Variants in CNTNAP2 observed in about 807,000 individuals in gnomAD.
The protein encoded by CNTNAP2 is contactin-associated protein-like 2.
A neutral mutation model predicts 155.2 loss-of-function variants in CNTNAP2; 98 were observed. The observed-to-expected ratio is 0.63, with a 90% CI of 0.54 to 0.75. CNTNAP2 has a LOEUF of 0.75. CNTNAP2 is among the 30% of genes least tolerant of loss of function. The pLI, the probability that CNTNAP2 is intolerant of heterozygous loss-of-function variation, is 0.00. For synonymous variants in CNTNAP2, 651 were observed against 631.2 expected (o/e 1.03, Z -0.47); for missense variants, 1,727 against 1,688.1 (o/e 1.02, Z -0.40).
At chr7:147,625,733 GA>G (rs1212081285) in intron 12 of CNTNAP2, among the ~76,000 whole-genome samples, 3 of 152,244 alleles carry the variant, frequency 2.0e-5, no homozygotes, top group Admixed American at 2.0e-4. Flanking sequence ...ACCAACAAAG[GA>G]ACATACCAGG....
At chr7:147,536,893 C>G (rs2116735752) in intron 11 of CNTNAP2, among the ~76,000 whole-genome samples, 1 of 152,320 alleles carries the variant, frequency 6.6e-6, no homozygotes, top group East Asian at 1.9e-4. Context: ...AGCCTCCCCT[C>G]TCACCACGCC....
intron 3 of CNTNAP2, among the ~76,000 whole-genome samples, chr7:146,920,551 TAAAAAG>T (rs552847912): frequency 5.4e-4 from 82 of 152,248 alleles, no homozygotes; most frequent in Middle Eastern, 6.8e-3. Flanking sequence ...AATATATAAT[TAAAAAG>T]AAAAAGTGAT....
rs574238859 is a variant in CNTNAP2 at position 147,563,140 on chromosome 7, A to G, written c.1897+883A>G. Among the ~76,000 whole-genome samples, 7 of 152,320 alleles carry G rather than the reference A, an allele frequency of 4.6e-5. No individual in the cohort carries two copies. In the South Asian group the frequency reaches 1.4e-3, roughly 32 times the overall value. On this transcript the variant is annotated intron_variant, in intron 12 of 23. Coordinates refer to ENST00000361727, the MANE Select transcript of CNTNAP2 (RefSeq NM_014141.6). ...CCACATGTGTAATATTGGGCACTTTAGTAACTTTGCTAAATTCAGTAAACC... is the reference window on the plus strand; with the variant it reads ...CCACATGTGTAATATTGGGCACTTTGGTAACTTTGCTAAATTCAGTAAACC...
chr7:146,341,496 A>T (rs1427527163), intron 1 of CNTNAP2, among the ~76,000 whole-genome samples: 1 of 152,170 alleles, frequency 6.6e-6, no homozygotes, highest in African/African-American at 2.4e-5. Flanking sequence ...ATGTAAAATG[A>T]AGGAAAGATA....
intron 22 of CNTNAP2, among the ~76,000 whole-genome samples, chr7:148,399,469 C>T (rs1361864548): frequency 2.0e-5 from 3 of 152,130 alleles, no homozygotes; most frequent in African/African-American, 7.2e-5. Flanking sequence ...CCTTTAAACG[C>T]ATCCATAGCA....
At chr7:146,405,731 A>G (rs1795781729) in intron 1 of CNTNAP2, among the ~76,000 whole-genome samples, 1 of 152,354 alleles carries the variant, frequency 6.6e-6, no homozygotes, top group South Asian at 2.1e-4. Flanking sequence ...ACAGGTTTCT[A>G]CAAGGATTTT....
At chr7:146,395,210 G>T (rs923014525) in intron 1 of CNTNAP2, among the ~76,000 whole-genome samples, 2 of 152,112 alleles carry the variant, frequency 1.3e-5, no homozygotes, top group Non-Finnish European at 2.9e-5. Context: ...AAACATATGA[G>T]TGCAGGTATC....
intron 9 of CNTNAP2, among the ~76,000 whole-genome samples, chr7:147,315,694 A>T (rs1795216968): frequency 6.6e-6 from 1 of 151,924 alleles, no homozygotes; most frequent in South Asian, 2.1e-4. Flanking sequence ...GTCAGCCATG[A>T]TGGTCTCGAT....
chr7:146,954,236 T>C (rs1437481280), intron 3 of CNTNAP2, among the ~76,000 whole-genome samples: 1 of 151,984 alleles, frequency 6.6e-6, no homozygotes, highest in East Asian at 1.9e-4. Flanking sequence ...GGGTAACTGC[T>C]ACTATTTTTT....
chr7:146,292,329 C>T (rs2129086808), intron 1 of CNTNAP2, among the ~76,000 whole-genome samples: 1 of 152,272 alleles, frequency 6.6e-6, no homozygotes, highest in South Asian at 2.1e-4. Flanking sequence ...CAGCTCCGTC[C>T]ATGTCCCTGC....
chr7:148,270,791 G>C (rs1796763109), intron 21 of CNTNAP2, among the ~76,000 whole-genome samples: 1 of 152,186 alleles, frequency 6.6e-6, no homozygotes, highest in African/African-American at 2.4e-5. Flanking sequence ...ATCAGGCAGA[G>C]CTTGTTAGAC....
At chr7:147,562,375 C>A in intron 12 of CNTNAP2, 118 bp downstream of exon 12, 1 of 1,251,592 alleles carries the variant, frequency 8.0e-7, no homozygotes, top group Non-Finnish European at 1.2e-6. Context: ...TAATCAGCAA[C>A]ATATTGCTGG....
chr7:146,916,134 A>T (rs1412190755), intron 3 of CNTNAP2, among the ~76,000 whole-genome samples: 1 of 152,054 alleles, frequency 6.6e-6, no homozygotes, highest in Non-Finnish European at 1.5e-5. Flanking sequence ...TGACTTGTTG[A>T]TGTTAAACCA....
At chr7:147,180,946 G>C (rs1019211625) in intron 8 of CNTNAP2, among the ~76,000 whole-genome samples, 2 of 152,096 alleles carry the variant, frequency 1.3e-5, no homozygotes, top group African/African-American at 4.8e-5. Flanking sequence ...ATATATAGTA[G>C]CCAATTGCAT....
At chr7:147,333,311 A>G (rs1229136968) in intron 9 of CNTNAP2, among the ~76,000 whole-genome samples, 1 of 152,224 alleles carries the variant, frequency 6.6e-6, no homozygotes, top group East Asian at 1.9e-4. Flanking sequence ...TATCTAACAC[A>G]TTCACATTTT....
intron 17 of CNTNAP2, among the ~76,000 whole-genome samples, chr7:148,162,602 C>A (rs1805570914): frequency 6.6e-6 from 1 of 152,222 alleles, no homozygotes; most frequent in South Asian, 2.1e-4. Context: ...AAAAAAGTGT[C>A]TTCTCTTTGT....
At chr7:147,600,900 T>C (rs1002718692) in intron 12 of CNTNAP2, among the ~76,000 whole-genome samples, 3 of 152,230 alleles carry the variant, frequency 2.0e-5, no homozygotes, top group African/African-American at 7.2e-5. Flanking sequence ...ATGTAGGTCA[T>C]GGTGATAACA....
chr7:146,547,569 A>G (rs985489411), intron 1 of CNTNAP2, among the ~76,000 whole-genome samples: 10 of 151,972 alleles, frequency 6.6e-5, no homozygotes, highest in Non-Finnish European at 1.3e-4. Context: ...TCCCAGAGAA[A>G]TCATGCAGGA....
At chr7:146,488,289 C>A (rs913454241) in intron 1 of CNTNAP2, among the ~76,000 whole-genome samples, 25 of 119,824 alleles carry the variant, frequency 2.1e-4, no homozygotes, top group Admixed American at 1.4e-3. Flanking sequence ...CCCTCCCTCC[C>A]TCCCTCCCTC....
Sources: allele counts gnomAD v4.1 joint callset (sites outside exome capture counted in the v4.1 genomes callset), GRCh38; gene constraint gnomAD v4.1.1; transcripts MANE v1.5; gene names NCBI Gene and HGNC (gene_info 2026-07-23, HGNC 2026-07-21).